DOCK2: variants seen among roughly 807,000 people sequenced by gnomAD.
DOCK2 encodes dedicator of cytokinesis protein 2.
Under a neutral mutation model 248.9 loss-of-function variants are expected in DOCK2, and 87 were observed. That is an observed-to-expected ratio of 0.35 (90% CI 0.29 to 0.42). The LOEUF is 0.42. DOCK2 is among the 10% of genes least tolerant of loss of function. The pLI is 1.00. For synonymous variants in DOCK2, 805 were observed against 821.6 expected (o/e 0.98, Z 0.35); for missense variants, 1,747 against 2,300.2 (o/e 0.76, Z 4.92).
intron 27 of DOCK2, among the ~76,000 whole-genome samples, chr5:169,972,972 A>G (rs950709180): frequency 7.9e-5 from 12 of 152,192 alleles, no homozygotes; most frequent in African/African-American, 2.9e-4. Flanking sequence ...GATCTCTTGC[A>G]GCAGAAACAA....
chr5:170,041,417 A>T (rs1180674681), intron 37 of DOCK2, among the ~76,000 whole-genome samples: 2 of 152,178 alleles, frequency 1.3e-5, no homozygotes. Context: ...ACGGTAAATC[A>T]TTGGCATGCC....
At position 169,667,891 on chromosome 5, in the gene DOCK2, A is replaced by C. The variant is rs75973008; in HGVS notation, c.128-1397A>C. 9.4e-3 allele frequency among the ~76,000 whole-genome samples: 1,436 copies of C among 152,378 alleles called. 12 individuals are homozygous for C. Among genetic ancestry groups the C allele is most frequent in the South Asian group, 0.017 (80 of 4,832 alleles). On this transcript the variant is annotated intron_variant, in intron 2 of 51. Transcript: ENST00000520908. ...CACTGAAAATAGAATGTGATGCTTC[A>C]TGAAGTAGAACATCTTCCATCACTG...
intron 42 of DOCK2, among the ~76,000 whole-genome samples, chr5:170,056,040 C>A (rs1266313208): frequency 6.6e-6 from 1 of 152,188 alleles, no homozygotes; most frequent in African/African-American, 2.4e-5. Context: ...AGTAGGTCCT[C>A]CCCTCTGGAT....
intron 26 of DOCK2, among the ~76,000 whole-genome samples, chr5:169,835,802 C>T (rs1183770877): frequency 4.0e-5 from 6 of 151,698 alleles, no homozygotes; most frequent in Non-Finnish European, 8.8e-5. Context: ...CTCCCTGTTG[C>T]CCAGGCTGGA....
chr5:169,893,758 T>C (rs551036744), intron 27 of DOCK2, among the ~76,000 whole-genome samples: 7 of 152,276 alleles, frequency 4.6e-5, no homozygotes, highest in East Asian at 3.9e-4. Context: ...GATTTACTCA[T>C]AGGGTACAGA....
chr5:170,002,268 T>C (rs1387009625), intron 30 of DOCK2, among the ~76,000 whole-genome samples: 1 of 149,754 alleles, frequency 6.7e-6, no homozygotes, highest in African/African-American at 2.4e-5. Context: ...TCAAGCTAAA[T>C]GTCTATAAAT....
chr5:169,838,202 C>T (rs1344266872), intron 26 of DOCK2, among the ~76,000 whole-genome samples: 1 of 152,032 alleles, frequency 6.6e-6, no homozygotes, highest in Non-Finnish European at 1.5e-5. Flanking sequence ...ATGATGAAAC[C>T]CCCCAAGCAG....
intron 23 of DOCK2, among the ~76,000 whole-genome samples, chr5:169,759,413 A>G (rs186297533): frequency 3.3e-5 from 5 of 152,380 alleles, no homozygotes; most frequent in African/African-American, 9.6e-5. Flanking sequence ...CCAAAGCCTC[A>G]TGGCTAATAA....
At chr5:169,692,405 T>C (rs1414926309) in intron 9 of DOCK2, among the ~76,000 whole-genome samples, 9 of 152,170 alleles carry the variant, frequency 5.9e-5, no homozygotes, top group African/African-American at 2.2e-4. Flanking sequence ...ACACCATAGA[T>C]TGGAGCACAA....
intron 39 of DOCK2, 61 bp from the exon 40 acceptor site, chr5:170,047,449 T>G: frequency 1.3e-6 from 2 of 1,485,014 alleles, no homozygotes; most frequent in Non-Finnish European, 1.9e-6. Context: ...AAGGCCTCTT[T>G]GAGTTGAATG....
intron 1 of DOCK2, among the ~76,000 whole-genome samples, chr5:169,648,378 C>G (rs565018120): frequency 7.2e-5 from 11 of 152,292 alleles, no homozygotes; most frequent in Admixed American, 7.2e-4. Flanking sequence ...GTTGAGATCA[C>G]TGTTTGAGAG....
chr5:169,694,067 G>A (rs777706487), intron 9 of DOCK2, among the ~76,000 whole-genome samples: 30 of 152,184 alleles, frequency 2.0e-4, no homozygotes, highest in Non-Finnish European at 4.0e-4. Flanking sequence ...AACCGTCATG[G>A]TCCCCAGGCA....
intron 13 of DOCK2, among the ~76,000 whole-genome samples, chr5:169,700,940 G>GA (rs1554090578): frequency 4.8e-5 from 5 of 103,328 alleles, no homozygotes; most frequent in African/African-American, 1.5e-4. Context: ...AGAAAAAGAA[G>GA]GAGAGAAAGA....
chr5:170,014,838 C>T lies in DOCK2; in HGVS notation c.3233-4122C>T, dbSNP rs73312353. ...CAGACATGCTCCCAGGTAGTTTATC[C>T]TGAGAGCAAGGAAAGTCATAGGGAA... On this transcript the variant is annotated intron_variant, in intron 32 of 51. Coordinates refer to ENST00000520908, the MANE Select transcript of DOCK2 (RefSeq NM_004946.3). 3.9e-3 allele frequency among the ~76,000 whole-genome samples: 597 copies of T among 152,198 alleles called. 3 individuals carry two copies. The highest frequency in any genetic ancestry group is 0.013 in the African/African-American group (541 of 41,516).
intron 29 of DOCK2, among the ~76,000 whole-genome samples, chr5:169,993,072 C>T (rs1193957378): frequency 6.6e-6 from 1 of 152,196 alleles, no homozygotes; most frequent in African/African-American, 2.4e-5. Flanking sequence ...TGAAAGCCCC[C>T]TCTTTGATAT....
chr5:169,839,193 A>G (rs1769787061), intron 26 of DOCK2, among the ~76,000 whole-genome samples: 1 of 152,182 alleles, frequency 6.6e-6, no homozygotes, highest in South Asian at 2.1e-4. Flanking sequence ...GCTAAACAGC[A>G]TGTCACATCA....
chr5:170,048,490 C>A (rs1219401820), intron 40 of DOCK2, among the ~76,000 whole-genome samples: 1 of 152,064 alleles, frequency 6.6e-6, no homozygotes, highest in Non-Finnish European at 1.5e-5. Context: ...CTCTATTTTC[C>A]AATAAAAAAT....
chr5:170,031,185 G>C (rs745872460), intron 34 of DOCK2, among the ~76,000 whole-genome samples: 3 of 152,216 alleles, frequency 2.0e-5, no homozygotes, highest in Non-Finnish European at 2.9e-5. Flanking sequence ...AGTGGTGAGG[G>C]AATCGGAAGG....
intron 26 of DOCK2, among the ~76,000 whole-genome samples, chr5:169,828,438 G>A (rs971565418): frequency 3.3e-5 from 5 of 152,200 alleles, no homozygotes; most frequent in Admixed American, 1.3e-4. Context: ...GCCTGACTTG[G>A]AAGGGATTTG....
Sources: allele counts gnomAD v4.1 joint callset (sites outside exome capture counted in the v4.1 genomes callset), GRCh38; gene constraint gnomAD v4.1.1; transcripts MANE v1.5; gene names NCBI Gene and HGNC (gene_info 2026-07-23, HGNC 2026-07-21).